SPECC1: variants seen among roughly 807,000 people sequenced by gnomAD.
The protein encoded by SPECC1 is cytospin-B.
In SPECC1, 62 loss-of-function variants were observed where a neutral mutation model predicts 104.1. The ratio of observed to expected loss-of-function variants is 0.60; its 90% CI spans 0.49 to 0.74. SPECC1 has a LOEUF of 0.74. Among genes scored for constraint, SPECC1 ranks in the 30% least tolerant of loss-of-function variants. The pLI is 0.00. For missense variants in SPECC1, 1,306 were observed against 1,310.5 expected (o/e 1.00, Z 0.05); for synonymous variants, 513 against 501.6 (o/e 1.02, Z -0.30).
intron 3 of SPECC1, among the ~76,000 whole-genome samples, chr17:20,185,376 C>A (rs1290763395): frequency 6.6e-6 from 1 of 152,186 alleles, no homozygotes; most frequent in Non-Finnish European, 1.5e-5. Context: ...TTTGCGGGGG[C>A]ACTTGTGCTT....
chr17:20,208,343 A>G (rs1054533336), intron 4 of SPECC1, among the ~76,000 whole-genome samples: 2 of 152,154 alleles, frequency 1.3e-5, no homozygotes, highest in African/African-American at 4.8e-5. Context: ...GTGCACAGAG[A>G]CTGATTTGTA....
At chr17:20,092,011 G>A (rs901413953) in intron 1 of SPECC1, among the ~76,000 whole-genome samples, 2 of 152,096 alleles carry the variant, frequency 1.3e-5, no homozygotes. Flanking sequence ...TTTAACTGTT[G>A]CCCAGCGCCT....
At chr17:20,139,621 T>C (rs755657652) in intron 3 of SPECC1, among the ~76,000 whole-genome samples, 3 of 152,220 alleles carry the variant, frequency 2.0e-5, no homozygotes, top group Non-Finnish European at 2.9e-5. Flanking sequence ...ATTAACTTCC[T>C]TTCTCTCAAC....
In SPECC1 at chr17:20,139,387, A is replaced by G. The variant is rs939364986; in HGVS notation, c.283+28825A>G. ...TTCCTTCAATACATATTTAGTGTCT[A>G]CTATGTTCCAGGCATCTTTCTGGGT... is the stretch of plus-strand genomic sequence containing the variant. On this transcript the variant is annotated intron_variant, in intron 3 of 14. Transcript: ENST00000395527. Among the ~76,000 whole-genome samples the G allele has an allele frequency of 4.6e-5, 7 of 151,912 alleles. No individual in the cohort carries two copies. In the South Asian group the frequency reaches 1.0e-3, roughly 22 times the overall value.
chr17:20,306,109 G>A (rs1477275871), intron 14 of SPECC1, 27 bp downstream of exon 14: 19 of 1,600,406 alleles, frequency 1.2e-5, no homozygotes, highest in Non-Finnish European at 1.5e-5. Context: ...GTATCCTTGT[G>A]ATACTTTAAT....
At chr17:20,126,597 C>A (rs1352206331) in intron 3 of SPECC1, 1 of 152,228 alleles carries the variant, frequency 6.6e-6, no homozygotes, top group Non-Finnish European at 1.5e-5. Context: ...TCTCAGGTGT[C>A]TTCCAAGCAG....
At position 20,212,787 on chromosome 17, in the gene SPECC1, G is replaced by A. The variant is rs78917080; in HGVS notation, c.1863+6875G>A. Among the ~76,000 whole-genome samples, 620 of 152,240 alleles carry A rather than the reference G, an allele frequency of 4.1e-3. 4 individuals are homozygous for A. Among genetic ancestry groups the A allele is most frequent in the Middle Eastern group, 0.014 (4 of 294 alleles). On this transcript the variant is annotated intron_variant, in intron 4 of 14. Transcript: ENST00000395527. ...GGTGTTCAGTAAATACTTTTCAGAC[G>A]AATGAATGAATGTCAGAGAAACTTG...
At chr17:20,071,902 T>A (rs1299295004) in intron 1 of SPECC1, among the ~76,000 whole-genome samples, 4 of 152,216 alleles carry the variant, frequency 2.6e-5, no homozygotes, top group Non-Finnish European at 5.9e-5. Flanking sequence ...AAGTAAGACA[T>A]GATCACATGA....
At chr17:20,298,948 A>AGTGTGTGTGTGTGTGTGTGT (rs1555535565) in intron 13 of SPECC1, among the ~76,000 whole-genome samples, 5 of 49,070 alleles carry the variant, frequency 1.0e-4, no homozygotes, top group African/African-American at 1.9e-4. Context: ...AGAGAGAGAG[A>AGTGTGTGTGTGTGTGTGTGT]GTGTGTGTGT....
At chr17:20,033,845 G>C (rs1170279374) in intron 1 of SPECC1, among the ~76,000 whole-genome samples, 1 of 152,130 alleles carries the variant, frequency 6.6e-6, no homozygotes, top group African/African-American at 2.4e-5. Context: ...CACCCTAACA[G>C]GGTTAAACCC....
chr17:20,112,308 A>G, intron 3 of SPECC1: 2 of 759,100 alleles, frequency 2.6e-6, no homozygotes, highest in Admixed American at 3.5e-5. Context: ...ACATGATGGC[A>G]TTAATTTATT....
intron 14 of SPECC1, among the ~76,000 whole-genome samples, chr17:20,309,196 C>T (rs956621326): frequency 1.3e-4 from 20 of 152,072 alleles, no homozygotes; most frequent in Admixed American, 1.2e-3. Context: ...TTTTCAGTAC[C>T]TTGATGTGGA....
intron 3 of SPECC1, among the ~76,000 whole-genome samples, chr17:20,124,191 A>G (rs1346458517): frequency 1.3e-5 from 2 of 152,128 alleles, no homozygotes; most frequent in Non-Finnish European, 2.9e-5. Context: ...AGAGGATGCC[A>G]GGTCCTGCTG....
chr17:20,120,872 A>G (rs1209994930), intron 3 of SPECC1, among the ~76,000 whole-genome samples: 6 of 152,122 alleles, frequency 3.9e-5, no homozygotes, highest in Admixed American at 6.6e-5. Context: ...GAAATCATGT[A>G]ATCTTTTGGT....
In SPECC1 at chr17:20,314,134, T is replaced by C; in HGVS notation, c.*69T>C. ...TTTTCCTGGAAGCGCCTGATTACTG[T>C]CCACTGACCCTGCTCTGCCCACCAC... On this transcript the variant is annotated 3_prime_UTR_variant, in exon 15 of 15. Coordinates refer to ENST00000395527, the MANE Select transcript of SPECC1 (RefSeq NM_001243439.2). 3 of 1,362,984 alleles carry C rather than the reference T, an allele frequency of 2.2e-6. No individual in the cohort carries two copies. Among genetic ancestry groups the C allele is most frequent in the Non-Finnish European group, 3.1e-6 (3 of 968,936 alleles). 84.4% of individuals were successfully genotyped at this position (1,362,984 alleles called of 1,614,324 possible).
intron 4 of SPECC1, among the ~76,000 whole-genome samples, chr17:20,217,275 G>GT (rs1277861493): frequency 6.8e-6 from 1 of 147,090 alleles, no homozygotes; most frequent in Non-Finnish European, 1.5e-5. Context: ...GTGTGTGTGT[G>GT]TGTGTGTTTT....
At chr17:20,302,699 T>C (rs1203645867) in intron 13 of SPECC1, among the ~76,000 whole-genome samples, 1 of 147,278 alleles carries the variant, frequency 6.8e-6, no homozygotes, top group Non-Finnish European at 1.5e-5. Flanking sequence ...CACCACGTCT[T>C]GCTCCGCTTG....
intron 1 of SPECC1, among the ~76,000 whole-genome samples, chr17:20,020,946 T>C (rs2044351150): frequency 6.6e-6 from 1 of 152,200 alleles, no homozygotes; most frequent in Non-Finnish European, 1.5e-5. Flanking sequence ...ACTTAACTAC[T>C]GACAGCCTAC....
At chr17:20,051,483 G>A (rs1264615496) in intron 1 of SPECC1, among the ~76,000 whole-genome samples, 1 of 152,066 alleles carries the variant, frequency 6.6e-6, no homozygotes, top group African/African-American at 2.4e-5. Flanking sequence ...CTAGCACTTG[G>A]TTATTTCTTT....
Sources: allele counts gnomAD v4.1 joint callset (sites outside exome capture counted in the v4.1 genomes callset), GRCh38; gene constraint gnomAD v4.1.1; transcripts MANE v1.5; gene names NCBI Gene and HGNC (gene_info 2026-07-23, HGNC 2026-07-21).